The following ZNF385D variants were observed in gnomAD, a reference collection of about 807,000 sequenced individuals.
ZNF385D encodes the protein zinc finger protein 385D, also known as zinc finger protein 659.
In ZNF385D, 15 loss-of-function variants were observed where a neutral mutation model predicts 35.8. That is an observed-to-expected ratio of 0.42 (90% CI 0.28 to 0.64). ZNF385D has a LOEUF of 0.64. ZNF385D is among the 30% of genes least tolerant of loss of function. The pLI is 0.23. For missense variants in ZNF385D, 474 were observed against 494.6 expected, an observed-to-expected ratio of 0.96 and a Z score of 0.39; for synonymous variants, 212 against 186.8, an observed-to-expected ratio of 1.13 and a Z score of -1.10.
intron 2 of ZNF385D, among the ~76,000 whole-genome samples, chr3:22,312,154 T>C (rs1328293303): frequency 6.6e-6 from 1 of 152,166 alleles, no homozygotes; most frequent in East Asian, 1.9e-4. Flanking sequence ...AATTTGAGCC[T>C]CTTCCCTTTG....
chr3:21,780,591 T>G (rs1477060538), intron 3 of ZNF385D, among the ~76,000 whole-genome samples: 2 of 152,080 alleles, frequency 1.3e-5, no homozygotes, highest in African/African-American at 4.8e-5. Flanking sequence ...TTAGAACACT[T>G]AAGATATGTT....
chr3:22,317,043 C>T (rs374431980), intron 2 of ZNF385D, among the ~76,000 whole-genome samples: 18 of 151,880 alleles, frequency 1.2e-4, no homozygotes, highest in East Asian at 1.2e-3. Context: ...TTTGGGAGGC[C>T]GAGGTGGGCG....
intron 2 of ZNF385D, among the ~76,000 whole-genome samples, chr3:22,351,483 ATACTT>A (rs1354086085): frequency 6.6e-6 from 1 of 152,154 alleles, no homozygotes; most frequent in Non-Finnish European, 1.5e-5. Flanking sequence ...TGTCTGGAAA[ATACTT>A]TAAGGGTATT....
intron 3 of ZNF385D, among the ~76,000 whole-genome samples, chr3:21,927,433 A>G (rs1004805263): frequency 3.3e-5 from 5 of 152,178 alleles, no homozygotes; most frequent in Admixed American, 1.3e-4. Context: ...TGGCAGCTTT[A>G]TTTATAATAA....
intron 3 of ZNF385D, among the ~76,000 whole-genome samples, chr3:22,044,440 CAAACAA>C (rs1197666242): frequency 2.0e-5 from 3 of 151,746 alleles, no homozygotes; most frequent in Non-Finnish European, 2.9e-5. Context: ...TAGAGCAAGG[CAAACAA>C]AAACAAAAAC....
chr3:21,556,682 G>T (rs1254123552), intron 3 of ZNF385D, among the ~76,000 whole-genome samples: 2 of 151,702 alleles, frequency 1.3e-5, no homozygotes, highest in African/African-American at 2.4e-5. Context: ...TGTTCTGTTC[G>T]CTTAGGATTG....
intron 1 of ZNF385D, among the ~76,000 whole-genome samples, chr3:21,691,669 G>T (rs1247322966): frequency 6.6e-6 from 1 of 151,748 alleles, no homozygotes; most frequent in Non-Finnish European, 1.5e-5. Context: ...TGCATTATTT[G>T]TATTCACTGA....
intron 1 of ZNF385D, 109 bp from the exon 2 acceptor site, chr3:21,665,137 C>A (rs1321574132): frequency 5.8e-6 from 8 of 1,373,880 alleles, no homozygotes; most frequent in African/African-American, 2.9e-5. Flanking sequence ...CTGGAAAAAA[C>A]AAGACATGGA....
intron 2 of ZNF385D, among the ~76,000 whole-genome samples, chr3:21,656,963 A>G (rs930977560): frequency 1.3e-5 from 2 of 151,844 alleles, no homozygotes; most frequent in African/African-American, 2.4e-5. Context: ...CCCAGTTACT[A>G]AGAAACTCAC....
intron 3 of ZNF385D, among the ~76,000 whole-genome samples, chr3:21,971,580 A>G (rs1353845247): frequency 4.0e-5 from 6 of 151,880 alleles, no homozygotes; most frequent in Non-Finnish European, 8.8e-5. Flanking sequence ...TGGCCAAAAA[A>G]ATGAAAAAAT....
chr3:21,754,251 T>C (rs990517338), upstream of ZNF385D, among the ~76,000 whole-genome samples: 1 of 152,160 alleles, frequency 6.6e-6, no homozygotes, highest in African/African-American at 2.4e-5. Context: ...ATGCCAGCTG[T>C]GCCTGAGAGA....
chr3:21,434,083 C>A (rs754445169), intron 5 of ZNF385D, among the ~76,000 whole-genome samples: 1 of 152,052 alleles, frequency 6.6e-6, no homozygotes, highest in Admixed American at 6.6e-5. Context: ...GAAATAGAAT[C>A]GGAATTAATT....
chr3:22,079,917 T>A (rs6785150), intron 3 of ZNF385D, among the ~76,000 whole-genome samples: 1 of 151,832 alleles, frequency 6.6e-6, no homozygotes, highest in South Asian at 2.1e-4. Flanking sequence ...TGTATGTATA[T>A]GTGTGTACAT....
At chr3:22,047,921 T>A (rs892867110) in intron 3 of ZNF385D, among the ~76,000 whole-genome samples, 2 of 152,196 alleles carry the variant, frequency 1.3e-5, no homozygotes, top group East Asian at 1.9e-4. Flanking sequence ...CTACATTGGT[T>A]TTTTTGCTAA....
intron 3 of ZNF385D, among the ~76,000 whole-genome samples, chr3:22,121,642 A>C (rs976234817): frequency 1.3e-5 from 2 of 151,990 alleles, no homozygotes; most frequent in African/African-American, 4.8e-5. Flanking sequence ...TGGGCTTGCA[A>C]AACTTAGGGG....
In ZNF385D at chr3:21,707,971, T is replaced by C. The variant is rs867951861; in HGVS notation, c.22+42924A>G. On this transcript the variant is annotated intron_variant, in intron 1 of 7. Coordinates refer to ENST00000281523, the MANE Select transcript of ZNF385D (RefSeq NM_024697.3). ...TGAGCTGGGAACAGACAGCTGGATG[T>C]TTTAGTCCTGGGTCCGGCACTACGG... 7.2e-5 allele frequency among the ~76,000 whole-genome samples: 11 copies of C among 152,260 alleles called. No individual in the cohort carries two copies. The South Asian group carries it at 1.0e-3, about 14-fold the overall frequency.
At chr3:21,800,285 T>A (rs2072335650) in intron 3 of ZNF385D, among the ~76,000 whole-genome samples, 1 of 152,224 alleles carries the variant, frequency 6.6e-6, no homozygotes, top group Admixed American at 6.5e-5. Flanking sequence ...AAAAAATGTT[T>A]ATTGGGCTTT....
At chr3:21,888,521 A>G (rs1176925736) in intron 3 of ZNF385D, among the ~76,000 whole-genome samples, 2 of 152,192 alleles carry the variant, frequency 1.3e-5, no homozygotes, top group Admixed American at 1.3e-4. Flanking sequence ...ATCAAACACC[A>G]GAAGGAACAA....
chr3:21,706,576 A>G (rs1405593607), intron 1 of ZNF385D, among the ~76,000 whole-genome samples: 1 of 152,184 alleles, frequency 6.6e-6, no homozygotes, highest in East Asian at 1.9e-4. Flanking sequence ...CATGTTCTCA[A>G]ACTCATGTCT....
Sources: gnomAD v4.1 joint callset for allele counts (sites outside exome capture counted in the v4.1 genomes callset) on GRCh38, gnomAD v4.1.1 for gene constraint, MANE v1.5 for transcripts, NCBI Gene and HGNC (gene_info 2026-07-23, HGNC 2026-07-21) for gene names.